MYT1L: variants seen among roughly 807,000 people sequenced by gnomAD.
The protein encoded by MYT1L is myelin transcription factor 1 like, also known as myelin transcription factor 1-like protein.
A neutral mutation model predicts 126.7 loss-of-function variants in MYT1L; 12 were observed. The ratio of observed to expected loss-of-function variants is 0.09; its 90% CI spans 0.06 to 0.15. The LOEUF (loss-of-function observed/expected upper bound fraction) is 0.15. Ranked by LOEUF, MYT1L falls within the 10% of genes least tolerant of loss-of-function variation. The probability of loss-of-function intolerance (pLI) is 1.00; values close to 1 mark genes in which losing one functional copy is unlikely to be tolerated. For missense variants in MYT1L, 979 were observed against 1,585.2 expected, an observed-to-expected ratio of 0.62 and a Z score of 6.49; for synonymous variants, 541 against 604.2, an observed-to-expected ratio of 0.90 and a Z score of 1.53.
At chr2:2,155,856 G>C (rs1344681537) in intron 3 of MYT1L, among the ~76,000 whole-genome samples, 1 of 152,054 alleles carries the variant, frequency 6.6e-6, no homozygotes, top group Non-Finnish European at 1.5e-5. Context: ...TTGGTTCCAG[G>C]CATCTGGAGG....
chr2:2,203,792 C>T (rs2093188083), intron 2 of MYT1L, among the ~76,000 whole-genome samples: 1 of 152,114 alleles, frequency 6.6e-6, no homozygotes, highest in Non-Finnish European at 1.5e-5. Flanking sequence ...AAAAAGAGCC[C>T]ACATTGCCAA....
At chr2:2,292,816 C>G (rs2095619112) in intron 1 of MYT1L, among the ~76,000 whole-genome samples, 1 of 152,082 alleles carries the variant, frequency 6.6e-6, no homozygotes, top group African/African-American at 2.4e-5. Context: ...ACTATTCTCC[C>G]TAATTTATTT....
chr2:1,889,497 G>A lies in MYT1L; in HGVS notation c.2284-20C>T, dbSNP rs756269763. On this transcript the variant is annotated intron_variant, in intron 15 of 24. Coordinates refer to ENST00000647738, the MANE Select transcript of MYT1L (RefSeq NM_001303052.2). This position sits in a 1 kb window ranked among gnomAD's most constrained non-coding sequence, Gnocchi z 4.1. The stretch of plus-strand genomic sequence containing the variant: ...AGGGTTCTGTCGGTAGAAAGACATA[G>A]TGACTGTGCTTGGCCCGGCATCTTG... The A allele has an allele frequency of 6.4e-7, 1 of 1,565,552 alleles. No individual in the cohort carries two copies. Among genetic ancestry groups the A allele is most frequent in the South Asian group, 1.2e-5 (1 of 84,358 alleles).
At chr2:2,169,992 G>A (rs2089781886) in intron 3 of MYT1L, among the ~76,000 whole-genome samples, 1 of 152,176 alleles carries the variant, frequency 6.6e-6, no homozygotes, top group Non-Finnish European at 1.5e-5. Flanking sequence ...GAAATCTTTT[G>A]AGTCTCTTGA....
intron 8 of MYT1L, among the ~76,000 whole-genome samples, chr2:1,962,708 T>C (rs2059054175): frequency 6.6e-6 from 1 of 152,232 alleles, no homozygotes; most frequent in African/African-American, 2.4e-5. Context: ...CTAAATCCTA[T>C]GTTGTCATTT....
chr2:2,031,530 GCCTCTCATCCT>G (rs2066254616), intron 4 of MYT1L, among the ~76,000 whole-genome samples: 4 of 145,488 alleles, frequency 2.7e-5, no homozygotes, highest in African/African-American at 7.7e-5. Flanking sequence ...CCTCCCAAGT[GCCTCTCATCCT>G]GTGGCCCAGA....
At chr2:1,925,321 G>A (rs918245382) in intron 9 of MYT1L, among the ~76,000 whole-genome samples, 3 of 152,194 alleles carry the variant, frequency 2.0e-5, no homozygotes, top group African/African-American at 7.2e-5. Flanking sequence ...TGCTTCTACA[G>A]CCACAAAAAG....
intron 2 of MYT1L, among the ~76,000 whole-genome samples, chr2:2,260,457 T>C (rs750076476): frequency 1.1e-4 from 16 of 152,226 alleles, no homozygotes; most frequent in African/African-American, 3.9e-4. Context: ...AGAAACTGAA[T>C]GCTGTGCTTG....
chr2:1,814,393 C>G (rs994936461), intron 21 of MYT1L, among the ~76,000 whole-genome samples: 1 of 152,194 alleles, frequency 6.6e-6, no homozygotes, highest in African/African-American at 2.4e-5. Flanking sequence ...CCTCCCGGGA[C>G]GTGGACATGG....
At position 1,917,389 on chromosome 2, in the gene MYT1L, C is replaced by T; in HGVS notation, c.1484-50G>A. ...AGAATAAATGTTTACCAATCAAAGA[C>T]AAATGTGATTATTTCACAATCTGAA... On this transcript the variant is annotated intron_variant, in intron 10 of 24. Transcript: ENST00000647738. The surrounding 1 kb of genome is among the most constrained non-coding windows in gnomAD (Gnocchi z 5.9). 6.4e-7 allele frequency: 1 copy of T among 1,552,338 alleles called. No homozygotes were observed. The highest frequency in any genetic ancestry group is 1.9e-5 in the Admixed American group (1 of 52,792).
chr2:2,260,800 G>T (rs2094945372), intron 2 of MYT1L, among the ~76,000 whole-genome samples: 1 of 151,992 alleles, frequency 6.6e-6, no homozygotes, highest in Non-Finnish European at 1.5e-5. Context: ...TCACCTGCAG[G>T]GTGTCTTCAG....
At chr2:2,021,755 G>A (rs568920173) in intron 4 of MYT1L, among the ~76,000 whole-genome samples, 3 of 152,288 alleles carry the variant, frequency 2.0e-5, no homozygotes, top group African/African-American at 7.2e-5. Context: ...AAATTAGCCA[G>A]GCGTGGTGGT....
At chr2:1,901,545 A>G (rs1056360948) in intron 14 of MYT1L, among the ~76,000 whole-genome samples, 2 of 152,230 alleles carry the variant, frequency 1.3e-5, no homozygotes, top group East Asian at 3.9e-4. Context: ...TGATACCTCC[A>G]AGAAATACTA....
Position 2,024,999 on chromosome 2 carries a change from C to T in MYT1L, c.-157-27652G>A, listed in dbSNP as rs186237953. 8.5e-5 allele frequency among the ~76,000 whole-genome samples: 13 copies of T among 152,366 alleles called. No individual in the cohort carries two copies. The East Asian group carries it at 2.3e-3, about 27-fold the overall frequency. ...CCAGCCTGTACTATCTCACTGGGCTCCCGTGGGTCTGTTTTTATTGCCCCC... is the reference window on the plus strand; with the variant it reads ...CCAGCCTGTACTATCTCACTGGGCTTCCGTGGGTCTGTTTTTATTGCCCCC... On this transcript the variant is annotated intron_variant, in intron 4 of 24. Coordinates refer to ENST00000647738, the MANE Select transcript of MYT1L (RefSeq NM_001303052.2).
rs574643074 is a variant in MYT1L at position 1,821,163 on chromosome 2, G to A, written c.3081-11996C>T. Among the ~76,000 whole-genome samples the A allele has an allele frequency of 2.0e-5, 3 of 152,214 alleles. No individual in the cohort carries two copies. The East Asian group carries it at 5.8e-4, about 29-fold the overall frequency. ...TCATGATTGCGTGGCTACTCAACGAGGCCTTTATATCTGAAAACTCAAGAT... is the reference window on the plus strand; with the variant it reads ...TCATGATTGCGTGGCTACTCAACGAAGCCTTTATATCTGAAAACTCAAGAT... On this transcript the variant is annotated intron_variant, in intron 21 of 24. Coordinates refer to ENST00000647738, the MANE Select transcript of MYT1L (RefSeq NM_001303052.2).
chr2:1,923,387 A>G, intron 9 of MYT1L, 124 bp from the exon 10 acceptor site: 1 of 811,118 alleles, frequency 1.2e-6, no homozygotes, highest in Non-Finnish European at 1.9e-6. Context: ...CATCTCACAG[A>G]ACTGTAAGTC....
In MYT1L at chr2:1,793,803, G is replaced by T. The variant is rs924365499; in HGVS notation, c.3277-1339C>A. Among the ~76,000 whole-genome samples the T allele has an allele frequency of 3.3e-5, 5 of 152,124 alleles. No homozygotes were observed. Among genetic ancestry groups the T allele is most frequent in the African/African-American group, 9.7e-5 (4 of 41,420 alleles). On this transcript the variant is annotated intron_variant, in intron 23 of 24. Transcript: ENST00000647738. This position sits in a 1 kb window ranked among gnomAD's most constrained non-coding sequence, Gnocchi z 4.6. ...GACCTTCTCATTCGTGTTCTTTGGG[G>T]TTATTTATCAAATTAATGTTCCCCT...
chr2:2,236,742 A>C (rs2094318335), intron 2 of MYT1L, among the ~76,000 whole-genome samples: 1 of 148,698 alleles, frequency 6.7e-6, no homozygotes. Flanking sequence ...ACTGGTGAAG[A>C]CTCATTGGTT....
At position 2,136,510 on chromosome 2, in the gene MYT1L, G is replaced by A. The variant is rs185853910; in HGVS notation, c.-304+36362C>T. Among the ~76,000 whole-genome samples, 27 of 152,216 alleles carry A rather than the reference G, an allele frequency of 1.8e-4. No individual in the cohort carries two copies. The South Asian group carries it at 1.9e-3, about 11-fold the overall frequency. ...AGAGATTATTTCTCTCCCTTCCCTCGCCCTCAAGAGGAGGGAGCAAGTCAA... is the reference window on the plus strand; with the variant it reads ...AGAGATTATTTCTCTCCCTTCCCTCACCCTCAAGAGGAGGGAGCAAGTCAA... On this transcript the variant is annotated intron_variant, in intron 3 of 24. Transcript: ENST00000647738.
Sources: allele counts gnomAD v4.1 joint callset (sites outside exome capture counted in the v4.1 genomes callset), GRCh38; gene constraint gnomAD v4.1.1; non-coding constraint Gnocchi (gnomAD v3.1); transcripts MANE v1.5; gene names NCBI Gene and HGNC (gene_info 2026-07-23, HGNC 2026-07-21).